The following INSYN1 variants were observed in gnomAD, a reference collection of about 807,000 sequenced individuals.
INSYN1 encodes UPF0583 protein C15orf59.
Under a neutral mutation model 17.1 loss-of-function variants are expected in INSYN1, and 7 were observed. The observed-to-expected ratio is 0.41, with a 90% CI of 0.23 to 0.77. The LOEUF (loss-of-function observed/expected upper bound fraction) is 0.77. Among genes scored for constraint, INSYN1 ranks in the 30% least tolerant of loss-of-function variants. The pLI is 0.32. For missense variants in INSYN1, 339 were observed against 400.6 expected (o/e 0.85, Z 1.31); for synonymous variants, 174 against 166.3 (o/e 1.05, Z -0.36).
chr15:73,751,108 T>A lies in INSYN1; in HGVS notation c.23A>T (p.Asp8Val), dbSNP rs1229543832. 1.2e-6 allele frequency: 2 copies of A among 1,613,678 alleles called. No homozygotes were observed. Among genetic ancestry groups the A allele is most frequent in the African/African-American group, 1.3e-5 (1 of 74,892 alleles). ...GGGGTCGTCACTGGGCTGCCCGAGG[T>A]CCGGGGCGCCCCGAATGTTCATCGT... MNIRGAP[D>V]LGQPSDDPSS... The change falls in exon 2 of 3, where the codon GAC (aspartate) becomes GTC (valine). Residue 8 changes from aspartate to valine, a missense_variant. Physicochemically the swap from Asp to Val is radical, Grantham distance 152. Transcript: ENST00000569673.
intron 2 of INSYN1, among the ~76,000 whole-genome samples, chr15:73,745,795 C>G (rs572643814): frequency 7.4e-4 from 89 of 120,076 alleles, no homozygotes; most frequent in South Asian, 3.1e-3. Context: ...GGCGACAGAG[C>G]GAGACTCCGT....
chr15:73,743,917 C>G (rs1198485429), intron 2 of INSYN1, among the ~76,000 whole-genome samples: 1 of 141,320 alleles, frequency 7.1e-6, no homozygotes, highest in African/African-American at 2.6e-5. Flanking sequence ...TAGCTAAATA[C>G]TTAAGAACCT....
At chr15:73,745,847 T>G (rs1483747171) in intron 2 of INSYN1, among the ~76,000 whole-genome samples, 1 of 63,394 alleles carries the variant, frequency 1.6e-5, no homozygotes, top group African/African-American at 6.1e-5. Context: ...AAAAAACTGC[T>G]GGGGGCTTCT....
At position 73,743,850 on chromosome 15, in the gene INSYN1, A is replaced by G. The variant is rs1220240590; in HGVS notation, c.157-3208T>C. ...TCTCAAAAAAAAAAAAAAAAAAAAA[A>G]AAAAAAAAGAAAGAAAAAGAAAATT... On this transcript the variant is annotated intron_variant, in intron 2 of 2. Transcript: ENST00000569673. Among the ~76,000 whole-genome samples, 66 of 145,600 alleles carry G rather than the reference A, an allele frequency of 4.5e-4. 2 individuals carry two copies. Among genetic ancestry groups the G allele is most frequent in the African/African-American group, 1.7e-3 (66 of 39,778 alleles).
At chr15:73,749,440 A>G (rs575171059) in intron 2 of INSYN1, among the ~76,000 whole-genome samples, 33 of 152,304 alleles carry the variant, frequency 2.2e-4, no homozygotes, top group African/African-American at 7.0e-4. Flanking sequence ...AACTGGGAAA[A>G]GGCTGGGAGT....
At chr15:73,744,414 C>T (rs1473162260) in intron 2 of INSYN1, among the ~76,000 whole-genome samples, 2 of 152,156 alleles carry the variant, frequency 1.3e-5, no homozygotes, top group African/African-American at 4.8e-5. Context: ...GCAAATCTGG[C>T]CCAACCTATT....
Position 73,740,485 on chromosome 15 carries a change from A to G in INSYN1, c.314T>C (p.Ile105Thr). 6.2e-7 allele frequency: 1 copy of G among 1,613,974 alleles called. No individual in the cohort carries two copies. Among genetic ancestry groups the G allele is most frequent in the Non-Finnish European group, 8.5e-7 (1 of 1,180,036 alleles). Residue 105 changes from isoleucine to threonine, a missense_variant, in exon 3 of 3, where the codon ATC (isoleucine) becomes ACC (threonine). By Grantham distance (89) the Ile-to-Thr change is moderately conservative. Coordinates refer to ENST00000569673, the MANE Select transcript of INSYN1 (RefSeq NM_001039614.3). ...GCAGAACTCCCAGCTGTCTGAGAGG[A>G]TATCGGCTGTCATGAAGTCCAGGTG... ...LGHLDFMTAD[I>T]LSDSWEFCSF...
intron 1 of INSYN1, among the ~76,000 whole-genome samples, 186 bp downstream of exon 1, chr15:73,751,924 A>C (rs1901996490): frequency 6.6e-6 from 1 of 151,336 alleles, no homozygotes. Flanking sequence ...GCTACGGGGC[A>C]CCCTGGCCGT....
At chr15:73,749,252 T>C (rs1056694631) in intron 2 of INSYN1, among the ~76,000 whole-genome samples, 3 of 152,236 alleles carry the variant, frequency 2.0e-5, no homozygotes, top group African/African-American at 7.2e-5. Flanking sequence ...ACCCGAGTTC[T>C]AGGCATACTT....
rs1596034156 is a variant in INSYN1 at position 73,737,066 on chromosome 15, A to T, written c.*2851T>A. On this transcript the variant is annotated 3_prime_UTR_variant, in exon 3 of 3. Transcript: ENST00000569673. The stretch of plus-strand genomic sequence containing the variant: ...TCCCACCACTGCCCTATTTGGGGGC[A>T]AATGGCCAGGCAGGGGAGCAGGGGG... The T allele has an allele frequency of 6.6e-6, 1 of 152,432 alleles. No homozygotes were observed. Among genetic ancestry groups the T allele is most frequent in the Non-Finnish European group, 1.5e-5 (1 of 68,232 alleles). 9.4% of individuals were successfully genotyped at this position (152,432 alleles called of 1,614,324 possible). A position where few individuals can be genotyped will look rare whatever the true frequency, so the allele number is the denominator to read the frequency against.
rs117069008 is a variant in INSYN1 at position 73,752,399 on chromosome 15, G to A, written c.-857C>T. On this transcript the variant is annotated 5_prime_UTR_variant, in exon 1 of 3. Transcript: ENST00000569673. This position sits in a 1 kb window ranked among gnomAD's most constrained non-coding sequence, Gnocchi z 5.2. ...GATTTGGGGCTCCGAGGCCACAGGT[G>A]ACCGGGGCGCGGGGAGGCCGAGGAG... is the stretch of plus-strand genomic sequence containing the variant. 6.6e-6 allele frequency: 1 copy of A among 152,292 alleles called. No homozygotes were observed. The highest frequency in any genetic ancestry group is 1.5e-5 in the Non-Finnish European group (1 of 68,126). 9.4% of individuals were successfully genotyped at this position (152,292 alleles called of 1,614,324 possible). A position where few individuals can be genotyped will look rare whatever the true frequency, so the allele number is the denominator to read the frequency against.
rs1567035830 is a variant in INSYN1 at position 73,742,829 on chromosome 15, T to TC, written c.157-2188_157-2187insG. Among the ~76,000 whole-genome samples, 160 of 152,196 alleles carry TC rather than the reference T, an allele frequency of 1.1e-3. 1 individual carries two copies. The East Asian group carries it at 0.03, about 28-fold the overall frequency. On this transcript the variant is annotated intron_variant, in intron 2 of 2. Coordinates refer to ENST00000569673, the MANE Select transcript of INSYN1 (RefSeq NM_001039614.3). ...TGGCCTAGCGTAGGGACACTCAGAC[T>TC]TGAGTGTCCCTCAGCTCACTCCCCA...
chr15:73,753,050 C>T lies in INSYN1; in HGVS notation c.-1508G>A, dbSNP rs1317955991. On this transcript the variant is annotated 5_prime_UTR_variant, in exon 1 of 3. Transcript: ENST00000569673. This position sits in a 1 kb window ranked among gnomAD's most constrained non-coding sequence, Gnocchi z 4.2. Reference sequence around the variant, plus strand: ...TCCGCTCGGCTCCGCTACCTCCCGTCCGTTCGCTCTCGGCTCCCCGCCTCA... The same window carrying T: ...TCCGCTCGGCTCCGCTACCTCCCGTTCGTTCGCTCTCGGCTCCCCGCCTCA... 6.7e-6 allele frequency among the ~76,000 whole-genome samples: 1 copy of T among 150,134 alleles called. No homozygotes were observed. Among genetic ancestry groups the T allele is most frequent in the African/African-American group, 2.4e-5 (1 of 41,208 alleles).
intron 2 of INSYN1, among the ~76,000 whole-genome samples, chr15:73,743,078 C>G (rs776872506): frequency 1.3e-5 from 2 of 152,216 alleles, no homozygotes; most frequent in Admixed American, 6.5e-5. Flanking sequence ...CTCCCCTGAT[C>G]AAGCCAGAGC....
At position 73,740,454 on chromosome 15, in the gene INSYN1, G is replaced by A. The variant is rs1901663175; in HGVS notation, c.345C>T (p.Phe115=). 2 of 1,613,908 alleles carry A rather than the reference G, an allele frequency of 1.2e-6. No homozygotes were observed. Among genetic ancestry groups the A allele is most frequent in the Non-Finnish European group, 1.7e-6 (2 of 1,180,026 alleles). ...AGTCCGAGGGGGTAGAGACGTCCAG[G>A]AAGGAGCAGAACTCCCAGCTGTCTG... is the stretch of plus-strand genomic sequence containing the variant. The part of the protein sequence containing the change: ...ILSDSWEFCS[F]LDVSTPSDSV... Residue 115 remains phenylalanine (F), a synonymous_variant, in exon 3 of 3, where the codon TTC becomes TTT. Transcript: ENST00000569673.
rs1160159417 is a variant in INSYN1 at position 73,740,043 on chromosome 15, A to G, written c.756T>C (p.Ser252=). The change falls in exon 3 of 3, where the codon TCT becomes TCC. Residue 252 remains serine, a synonymous_variant. Coordinates refer to ENST00000569673, the MANE Select transcript of INSYN1 (RefSeq NM_001039614.3). ...RSPLTSRHSG[S]TLAPEQTRRV... ...TTCGAGTCTGTTCAGGGGCCAAGGTAGAGCCTGAGTGGCGGCTGGTCAGTG... is the reference window on the plus strand; with the variant it reads ...TTCGAGTCTGTTCAGGGGCCAAGGTGGAGCCTGAGTGGCGGCTGGTCAGTG... The G allele has an allele frequency of 6.2e-7, 1 of 1,613,574 alleles. No individual in the cohort carries two copies. Among genetic ancestry groups the G allele is most frequent in the Non-Finnish European group, 8.5e-7 (1 of 1,179,882 alleles).
At chr15:73,746,187 T>C (rs1415032742) in intron 2 of INSYN1, among the ~76,000 whole-genome samples, 1 of 152,082 alleles carries the variant, frequency 6.6e-6, no homozygotes, top group Non-Finnish European at 1.5e-5. Context: ...ATTACGTTAT[T>C]ATCTTCTTGG....
chr15:73,746,224 A>T (rs1901827267), intron 2 of INSYN1, among the ~76,000 whole-genome samples: 1 of 152,106 alleles, frequency 6.6e-6, no homozygotes. Flanking sequence ...AGGGGCAGCG[A>T]GCTGATCGTG....
At chr15:73,745,071 C>T (rs555850396) in intron 2 of INSYN1, among the ~76,000 whole-genome samples, 7 of 152,230 alleles carry the variant, frequency 4.6e-5, no homozygotes, top group East Asian at 3.9e-4. Flanking sequence ...ACAGCCTTAG[C>T]GCCCCTCGCT....
Sources: gnomAD v4.1 joint callset for allele counts (sites outside exome capture counted in the v4.1 genomes callset) on GRCh38, gnomAD v4.1.1 for gene constraint, Gnocchi (gnomAD v3.1) non-coding constraint, MANE v1.5 for transcripts, NCBI Gene and HGNC (gene_info 2026-07-23, HGNC 2026-07-21) for gene names.